KIF18A: variants seen among roughly 807,000 people sequenced by gnomAD.
The protein encoded by KIF18A is kinesin family member 18A, also known as kinesin-like protein KIF18A.
Under a neutral mutation model 103.3 loss-of-function variants are expected in KIF18A, and 67 were observed. The ratio of observed to expected loss-of-function variants is 0.65; its 90% confidence interval spans 0.53 to 0.79. The LOEUF is 0.79. KIF18A is among the 30% of genes least tolerant of loss of function. KIF18A has a pLI of 0.00. For missense variants in KIF18A, 1,032 were observed against 1,062.5 expected, an observed-to-expected ratio of 0.97 and a Z score of 0.40; for synonymous variants, 367 against 355.5, an observed-to-expected ratio of 1.03 and a Z score of -0.36.
rs200139792 is a variant in KIF18A, at chr11:28,049,505, T to A, written c.1948+9421A>T. Among the ~76,000 whole-genome samples, 5 of 152,122 alleles carry A rather than the reference T, an allele frequency of 3.3e-5. No individual in the cohort carries two copies. In the East Asian group the frequency reaches 9.7e-4, roughly 29 times the overall value. On this transcript the variant is annotated intron_variant, in intron 13 of 16. Transcript: ENST00000263181. ...GCTGTATGTTATTGTAAAGGAAGAA[T>A]GCGGTATTTAGCAAACATGAGTCAT... is the stretch of plus-strand genomic sequence containing the variant.
intron 2 of KIF18A, among the ~76,000 whole-genome samples, chr11:28,095,948 C>G (rs959403645): frequency 1.3e-5 from 2 of 149,068 alleles, no homozygotes; most frequent in Non-Finnish European, 3.0e-5. Flanking sequence ...CAGGTTGAGG[C>G]TGCAGTGAGC....
intron 15 of KIF18A, among the ~76,000 whole-genome samples, chr11:28,026,176 T>C (rs12800354): frequency 0.19 from 29,012 of 151,750 alleles, 3,186 homozygotes; most frequent in Non-Finnish European, 0.25. Context: ...ATTAAAAATC[T>C]AATATACTCA....
intron 8 of KIF18A, 94 bp from the exon 9 acceptor site, chr11:28,083,062 T>C: frequency 2.0e-6 from 3 of 1,466,598 alleles, no homozygotes; most frequent in Non-Finnish European, 2.7e-6. Context: ...ATTAACCAGA[T>C]TTTAATTTTA....
chr11:28,091,639 T>C (rs968993840), intron 3 of KIF18A, 126 bp from the exon 4 acceptor site: 1 of 518,874 alleles, frequency 1.9e-6, no homozygotes, highest in African/African-American at 2.0e-5. Context: ...CTCACTTTTA[T>C]TCACCTCATA....
chr11:28,033,955 C>T (rs146230332), intron 15 of KIF18A, among the ~76,000 whole-genome samples: 3 of 151,604 alleles, frequency 2.0e-5, no homozygotes, highest in Admixed American at 6.6e-5. Flanking sequence ...ATATCCCATG[C>T]ACCCCCTAAT....
At chr11:28,046,739 G>GAAAAAAAAAAAAA (rs11431907) in intron 13 of KIF18A, among the ~76,000 whole-genome samples, 1 of 131,502 alleles carries the variant, frequency 7.6e-6, no homozygotes, top group Non-Finnish European at 1.6e-5. Flanking sequence ...GAAATTAAAT[G>GAAAAAAAAAAAAA]AAAAAAAAAA....
intron 3 of KIF18A, 33 bp from the exon 4 acceptor site, chr11:28,091,546 G>T: frequency 1.8e-6 from 2 of 1,135,978 alleles, no homozygotes; most frequent in Non-Finnish European, 2.6e-6. Context: ...TAGCATTGAT[G>T]TAAAAAAAAA....
intron 1 of KIF18A, among the ~76,000 whole-genome samples, chr11:28,100,471 T>G (rs971078092): frequency 2.8e-5 from 4 of 142,032 alleles, no homozygotes; most frequent in Non-Finnish European, 6.1e-5. Flanking sequence ...TTTGGGGCAG[T>G]AGTGGGGAAA....
chr11:28,061,471 T>C (rs570402357), intron 12 of KIF18A, among the ~76,000 whole-genome samples: 48 of 152,254 alleles, frequency 3.2e-4, no homozygotes, highest in African/African-American at 1.1e-3. Context: ...TGGGGTCTGA[T>C]ATAGCAAATG....
intron 1 of KIF18A, among the ~76,000 whole-genome samples, chr11:28,101,591 A>G (rs1474256615): frequency 3.9e-5 from 6 of 152,174 alleles, no homozygotes; most frequent in South Asian, 2.1e-4. Context: ...GACTAACAAC[A>G]GTACCTATCT....
At position 28,069,374 on chromosome 11, in the gene KIF18A, G is replaced by A. The variant is rs750393835; in HGVS notation, c.1475C>T (p.Ser492Phe). Residue 492 changes from serine to phenylalanine, a missense_variant, in exon 11 of 17, where the codon TCC becomes TTC. Transcript: ENST00000263181. ...CTCCTCCCTCCTTTTCTCCAGGTAG[G>A]AGCGACGAGTTTTCAACATTGCAAG... Reference protein sequence around the residue: ...HRLAMLKTRRSYLEKRREEEL... With the variant: ...HRLAMLKTRRFYLEKRREEEL... 4.3e-6 allele frequency: 7 copies of A among 1,613,536 alleles called. No individual in the cohort carries two copies. The highest frequency in any genetic ancestry group is 2.2e-5 in the South Asian group (2 of 91,066).
intron 15 of KIF18A, among the ~76,000 whole-genome samples, chr11:28,030,542 A>G (rs1161600120): frequency 2.0e-5 from 3 of 152,244 alleles, no homozygotes; most frequent in Non-Finnish European, 2.9e-5. Flanking sequence ...AAGATGGATT[A>G]AAGACTTAAA....
intron 13 of KIF18A, among the ~76,000 whole-genome samples, chr11:28,050,904 T>C (rs1850703667): frequency 6.6e-6 from 1 of 151,828 alleles, no homozygotes; most frequent in African/African-American, 2.4e-5. Flanking sequence ...TAGAAAATAA[T>C]TAAAATTCAT....
chr11:28,056,981 A>G, intron 13 of KIF18A: 2 of 351,040 alleles, frequency 5.7e-6, no homozygotes, highest in South Asian at 2.1e-5. Context: ...GGCAGATTTG[A>G]CTATATAAAA....
intron 2 of KIF18A, among the ~76,000 whole-genome samples, chr11:28,096,461 T>G (rs1244092767): frequency 6.6e-6 from 1 of 152,194 alleles, no homozygotes; most frequent in East Asian, 1.9e-4. Context: ...AAGCTTATTC[T>G]TAAGCTGTCT....
intron 15 of KIF18A, among the ~76,000 whole-genome samples, chr11:28,025,962 T>A (rs1334194951): frequency 6.6e-6 from 1 of 151,888 alleles, no homozygotes. Context: ...ATGGCAAATA[T>A]GAAACTGCTT....
intron 15 of KIF18A, among the ~76,000 whole-genome samples, chr11:28,032,769 A>C (rs1432805004): frequency 6.6e-6 from 1 of 151,948 alleles, no homozygotes; most frequent in Non-Finnish European, 1.5e-5. Context: ...AACTGCTAAA[A>C]GAAAACATTG....
chr11:28,022,000 T>C (rs1284167354), intron 16 of KIF18A, among the ~76,000 whole-genome samples: 2 of 152,210 alleles, frequency 1.3e-5, no homozygotes, highest in Non-Finnish European at 2.9e-5. Flanking sequence ...CCTTTTTCCC[T>C]ACTGATGGTC....
At chr11:28,023,881 G>T in intron 15 of KIF18A, 31 bp from the exon 16 acceptor site, 1 of 1,263,706 alleles carries the variant, frequency 7.9e-7, no homozygotes, top group Non-Finnish European at 1.1e-6. Flanking sequence ...ATTTAGTTAA[G>T]CATTTTTTTT....
Sources: allele counts gnomAD v4.1 joint callset (sites outside exome capture counted in the v4.1 genomes callset), GRCh38; gene constraint gnomAD v4.1.1; transcripts MANE v1.5; gene names NCBI Gene and HGNC (gene_info 2026-07-23, HGNC 2026-07-21).